SSBP3: variants seen among roughly 807,000 people sequenced by gnomAD.
The protein encoded by SSBP3 is single stranded DNA binding protein 3.
A neutral mutation model predicts 69.6 loss-of-function variants in SSBP3; 5 were observed. That is an observed-to-expected ratio of 0.07 (90% CI 0.04 to 0.15). SSBP3 has a LOEUF of 0.15. Ranked by LOEUF, SSBP3 falls within the 10% of genes least tolerant of loss-of-function variation. The pLI is 1.00. For synonymous variants in SSBP3, 196 were observed against 193.4 expected, an observed-to-expected ratio of 1.01 and a Z score of -0.11; for missense variants, 312 against 534.0, an observed-to-expected ratio of 0.58 and a Z score of 4.10.
chr1:54,260,421 GCTCA>G (rs1644997475), intron 5 of SSBP3, among the ~76,000 whole-genome samples: 1 of 152,202 alleles, frequency 6.6e-6, no homozygotes, highest in African/African-American at 2.4e-5. Context: ...CAGGAGGCTG[GCTCA>G]CTGACAGATT....
At chr1:54,352,679 T>C (rs1646799462) in intron 4 of SSBP3, among the ~76,000 whole-genome samples, 1 of 152,180 alleles carries the variant, frequency 6.6e-6, no homozygotes, top group Non-Finnish European at 1.5e-5. Flanking sequence ...GTCTTGCCGT[T>C]TGACCATGCG....
intron 5 of SSBP3, among the ~76,000 whole-genome samples, chr1:54,280,056 C>T (rs1438407609): frequency 6.6e-6 from 1 of 152,182 alleles, no homozygotes; most frequent in African/African-American, 2.4e-5. Context: ...CCACATGTGG[C>T]CATCCAATGC....
chr1:54,329,833 C>T (rs570063873), intron 4 of SSBP3, among the ~76,000 whole-genome samples: 1 of 152,296 alleles, frequency 6.6e-6, no homozygotes, highest in African/African-American at 2.4e-5. Context: ...GGTTGGCTGT[C>T]CTTCTCACCC....
chr1:54,283,433 C>A lies in SSBP3; in HGVS notation c.277-1906G>T, dbSNP rs1645432571. 3.9e-5 allele frequency among the ~76,000 whole-genome samples: 6 copies of A among 152,300 alleles called. No individual in the cohort carries two copies. In the South Asian group the frequency reaches 1.2e-3, roughly 32 times the overall value. On this transcript the variant is annotated intron_variant, in intron 4 of 17. Transcript: ENST00000610401. The stretch of plus-strand genomic sequence containing the variant: ...GTTTTCAGCACTGTCACCTCTACTA[C>A]TAAGTGGGATGACTGTGGGCAAGCC...
intron 14 of SSBP3, among the ~76,000 whole-genome samples, chr1:54,230,116 G>A (rs372495143): frequency 1.3e-5 from 2 of 152,190 alleles, no homozygotes; most frequent in African/African-American, 4.8e-5. Context: ...AGAAAGGGGT[G>A]TAAGGGGTAA....
intron 4 of SSBP3, among the ~76,000 whole-genome samples, chr1:54,378,716 C>T (rs571836969): frequency 8.5e-5 from 13 of 152,232 alleles, no homozygotes; most frequent in African/African-American, 2.9e-4. Context: ...GAGTGAGGCC[C>T]GGGGCTGAGT....
chr1:54,367,927 G>A (rs973430557), intron 4 of SSBP3, among the ~76,000 whole-genome samples: 4 of 152,152 alleles, frequency 2.6e-5, no homozygotes, highest in South Asian at 2.1e-4. Flanking sequence ...ATTCTTAACT[G>A]GAAAACTGGA....
intron 4 of SSBP3, among the ~76,000 whole-genome samples, chr1:54,357,502 A>T (rs1279881275): frequency 6.6e-6 from 1 of 152,134 alleles, no homozygotes; most frequent in Non-Finnish European, 1.5e-5. Flanking sequence ...AACCCTGCAC[A>T]TCCTTGCCAC....
chr1:54,245,490 T>C (rs762693616), intron 9 of SSBP3, among the ~76,000 whole-genome samples: 5 of 152,266 alleles, frequency 3.3e-5, no homozygotes, highest in Non-Finnish European at 7.4e-5. Context: ...ATTGGGCTGA[T>C]AGTGGGTTCT....
chr1:54,349,197 G>A (rs1046777277), intron 4 of SSBP3, among the ~76,000 whole-genome samples: 2 of 152,142 alleles, frequency 1.3e-5, no homozygotes, highest in Admixed American at 6.5e-5. Flanking sequence ...GAATTATTAG[G>A]GTCATATCTT....
At chr1:54,302,318 A>AT (rs10686460) in intron 4 of SSBP3, among the ~76,000 whole-genome samples, 49,347 of 144,592 alleles carry the variant, frequency 0.34, 8,699 homozygotes, top group East Asian at 0.72. Flanking sequence ...TCTGAGCATA[A>AT]TTTTTTTTTT....
At chr1:54,396,256 C>G (rs547404884) in intron 4 of SSBP3, among the ~76,000 whole-genome samples, 1 of 145,178 alleles carries the variant, frequency 6.9e-6, no homozygotes, top group South Asian at 2.2e-4. Flanking sequence ...AACAAACAGT[C>G]ATGATTGTCT....
intron 4 of SSBP3, among the ~76,000 whole-genome samples, chr1:54,311,243 G>C (rs1334967823): frequency 6.6e-6 from 1 of 152,176 alleles, no homozygotes; most frequent in Non-Finnish European, 1.5e-5. Flanking sequence ...GTGAAGACCA[G>C]GGTCCTCCCT....
intron 3 of SSBP3, 25 bp downstream of exon 3, chr1:54,404,551 A>G: frequency 6.2e-7 from 1 of 1,612,054 alleles, no homozygotes; most frequent in Non-Finnish European, 8.5e-7. Flanking sequence ...ACAAACACAC[A>G]TGCAAAACTA....
chr1:54,251,528 T>C, intron 9 of SSBP3, 88 bp downstream of exon 9: 1 of 1,360,960 alleles, frequency 7.3e-7, no homozygotes. Context: ...CTGAGAGATG[T>C]GGGAGACTGA....
chr1:54,386,055 T>C (rs1216932741), intron 4 of SSBP3, among the ~76,000 whole-genome samples: 1 of 152,202 alleles, frequency 6.6e-6, no homozygotes, highest in Non-Finnish European at 1.5e-5. Flanking sequence ...AAAAGTATCA[T>C]GGAAGACTCA....
chr1:54,304,210 A>G, intron 4 of SSBP3, among the ~76,000 whole-genome samples: 1 of 152,186 alleles, frequency 6.6e-6, no homozygotes, highest in Non-Finnish European at 1.5e-5. Flanking sequence ...CAGGATGAGG[A>G]CAGCAGGGCA....
At chr1:54,240,025 G>A (rs1295402769) in intron 13 of SSBP3, among the ~76,000 whole-genome samples, 1 of 150,554 alleles carries the variant, frequency 6.6e-6, no homozygotes, top group African/African-American at 2.4e-5. Context: ...TCTTAGCTGG[G>A]AAAGAAACAT....
intron 4 of SSBP3, among the ~76,000 whole-genome samples, chr1:54,302,720 C>T (rs946864473): frequency 2.0e-5 from 3 of 152,196 alleles, no homozygotes; most frequent in East Asian, 1.9e-4. Context: ...AGAACACTGA[C>T]GTGATATCAA....
Sources: allele counts gnomAD v4.1 joint callset (sites outside exome capture counted in the v4.1 genomes callset), GRCh38; gene constraint gnomAD v4.1.1; transcripts MANE v1.5; gene names NCBI Gene and HGNC (gene_info 2026-07-23, HGNC 2026-07-21).